Variants in CAMTA1 observed in about 807,000 individuals in gnomAD.
CAMTA1 encodes the protein calmodulin binding transcription activator 1, also known as calmodulin-binding transcription activator 1.
CAMTA1 carries 27 observed loss-of-function variants against 170.9 expected under a neutral mutation model. The ratio of observed to expected loss-of-function variants is 0.16; its 90% CI spans 0.12 to 0.22. CAMTA1 has a LOEUF of 0.22. Ranked by LOEUF, CAMTA1 falls within the 10% of genes least tolerant of loss-of-function variation. The probability of loss-of-function intolerance (pLI) is 1.00; values close to 1 mark genes in which losing one functional copy is unlikely to be tolerated. For missense variants in CAMTA1, 1,619 were observed against 2,217.2 expected (o/e 0.73, Z 5.42); for synonymous variants, 833 against 891.5 (o/e 0.93, Z 1.17).
intron 5 of CAMTA1, among the ~76,000 whole-genome samples, chr1:7,432,759 G>C (rs1434148320): frequency 1.3e-5 from 2 of 152,228 alleles, no homozygotes; most frequent in Admixed American, 1.3e-4. Context: ...CGTCCCCCTT[G>C]TGGCCCTGCA....
At chr1:7,399,481 G>T (rs1046161143) in intron 5 of CAMTA1, among the ~76,000 whole-genome samples, 1 of 152,108 alleles carries the variant, frequency 6.6e-6, no homozygotes, top group African/African-American at 2.4e-5. Flanking sequence ...ATGGACTAAG[G>T]CACCTTCATA....
At chr1:6,912,520 T>A (rs970358329) in intron 3 of CAMTA1, among the ~76,000 whole-genome samples, 1 of 152,248 alleles carries the variant, frequency 6.6e-6, no homozygotes, top group African/African-American at 2.4e-5. Context: ...TTAACATTTC[T>A]TGGTACTTTT....
intron 5 of CAMTA1, among the ~76,000 whole-genome samples, chr1:7,438,273 G>T (rs988405891): frequency 6.6e-6 from 1 of 152,186 alleles, no homozygotes; most frequent in African/African-American, 2.4e-5. Flanking sequence ...TGTCCGAGCG[G>T]CAGGTTTGCG....
chr1:7,103,942 A>AT (rs1643214631), intron 4 of CAMTA1, among the ~76,000 whole-genome samples: 1 of 150,126 alleles, frequency 6.7e-6, no homozygotes, highest in African/African-American at 2.5e-5. Flanking sequence ...ACACACATAC[A>AT]GCACACACGT....
chr1:7,380,405 T>C (rs1376075744), intron 5 of CAMTA1, among the ~76,000 whole-genome samples: 1 of 152,016 alleles, frequency 6.6e-6, no homozygotes, highest in Non-Finnish European at 1.5e-5. Flanking sequence ...AGAAACCCCG[T>C]CTCTACTAAA....
At chr1:7,368,953 C>T (rs1381313775) in intron 5 of CAMTA1, 1 of 152,286 alleles carries the variant, frequency 6.6e-6, no homozygotes, top group Non-Finnish European at 1.5e-5. Context: ...CACAGTGTAC[C>T]TCCACCTTCC....
At position 6,871,682 on chromosome 1, in the gene CAMTA1, G is replaced by A; in HGVS notation, c.234+46472G>A. The A allele has an allele frequency of 3.8e-6, 5 of 1,301,422 alleles. No individual in the cohort carries two copies. In the Middle Eastern group the frequency reaches 7.3e-4, roughly 190 times the overall value. 80.6% of individuals were successfully genotyped at this position (1,301,422 alleles called of 1,614,324 possible). On this transcript the variant is annotated intron_variant, in intron 3 of 22. Transcript: ENST00000303635. ...AGGAATGATGGGGTTCAGTTACAGTGGAATCTTTTCAAGAGCTTGATTTTA... is the reference window on the plus strand; with the variant it reads ...AGGAATGATGGGGTTCAGTTACAGTAGAATCTTTTCAAGAGCTTGATTTTA...
At chr1:7,571,540 A>G (rs2095126179) in intron 6 of CAMTA1, among the ~76,000 whole-genome samples, 1 of 151,952 alleles carries the variant, frequency 6.6e-6, no homozygotes, top group African/African-American at 2.4e-5. Context: ...CTTTGTGCCC[A>G]TGTGTTCTTG....
At chr1:7,246,947 G>C (rs1665909159) in intron 4 of CAMTA1, among the ~76,000 whole-genome samples, 1 of 152,056 alleles carries the variant, frequency 6.6e-6, no homozygotes, top group Admixed American at 6.6e-5. Flanking sequence ...GGTCTGACTT[G>C]CTTTTGATTC....
At chr1:7,676,086 C>T (rs972093123) in intron 10 of CAMTA1, among the ~76,000 whole-genome samples, 2 of 152,240 alleles carry the variant, frequency 1.3e-5, no homozygotes, top group Non-Finnish European at 2.9e-5. Flanking sequence ...CTAAGAGGAG[C>T]AGCCCTGAGC....
intron 1 of CAMTA1, among the ~76,000 whole-genome samples, chr1:6,793,319 C>T (rs779141): frequency 1 from 151,958 of 152,080 alleles, 75,918 homozygotes; most frequent in Middle Eastern, 1. Context: ...CCATTTTTTT[C>T]CCCTTATCAG....
chr1:6,949,489 A>G (rs1429799146), intron 3 of CAMTA1, among the ~76,000 whole-genome samples: 2 of 152,188 alleles, frequency 1.3e-5, no homozygotes, highest in Non-Finnish European at 1.5e-5. Context: ...CCAAGAGCCA[A>G]TATTTTCCTC....
At chr1:7,750,098 G>T (rs1335170998) in intron 19 of CAMTA1, among the ~76,000 whole-genome samples, 1 of 152,200 alleles carries the variant, frequency 6.6e-6, no homozygotes, top group Non-Finnish European at 1.5e-5. Flanking sequence ...GTGGCCCGAT[G>T]GGTCTGAGTG....
chr1:6,901,061 C>T (rs1039843958), intron 3 of CAMTA1, among the ~76,000 whole-genome samples: 2 of 151,616 alleles, frequency 1.3e-5, no homozygotes, highest in Non-Finnish European at 2.9e-5. Context: ...ATCAATGGAA[C>T]CAAATAGGGA....
Position 7,642,710 on chromosome 1 carries a change from A to T in CAMTA1, c.664+2157A>T, listed in dbSNP as rs1255754532. Among the ~76,000 whole-genome samples the T allele has an allele frequency of 6.6e-6, 1 of 152,100 alleles. No individual in the cohort carries two copies. The highest frequency in any genetic ancestry group is 1.5e-5 in the Non-Finnish European group (1 of 68,004). ...CTGGCAAGTCAGGAGGCAGGTGCTCATCCTGGCTTCATGGCTGCCCCTCTA... is the reference window on the plus strand; with the variant it reads ...CTGGCAAGTCAGGAGGCAGGTGCTCTTCCTGGCTTCATGGCTGCCCCTCTA... On this transcript the variant is annotated intron_variant, in intron 7 of 22. Transcript: ENST00000303635. The surrounding 1 kb of genome is among the most constrained non-coding windows in gnomAD (Gnocchi z 6.3).
chr1:6,917,931 C>T (rs908025481), intron 3 of CAMTA1, among the ~76,000 whole-genome samples: 6 of 151,896 alleles, frequency 4.0e-5, no homozygotes, highest in African/African-American at 7.3e-5. Context: ...TGGGTCACAG[C>T]GAAGACGTTC....
chr1:7,670,520 C>T (rs1003112463), intron 9 of CAMTA1, among the ~76,000 whole-genome samples: 1 of 152,198 alleles, frequency 6.6e-6, no homozygotes, highest in African/African-American at 2.4e-5. Flanking sequence ...AAGTGAATGA[C>T]GGAGCAAGTC....
At chr1:7,695,764 C>T (rs760386756) in intron 11 of CAMTA1, among the ~76,000 whole-genome samples, 7 of 152,272 alleles carry the variant, frequency 4.6e-5, no homozygotes, top group East Asian at 1.9e-4. Context: ...GTCATGTGTG[C>T]GCTTTTCCCT....
rs758609807 is a variant in CAMTA1, at chr1:7,641,951, C to T, written c.664+1398C>T. ...TCCTGAGCACAGCCTGCAGCCCCCC[C>T]ACCCGCAGCCCCCGGCCTCTGCAGG... On this transcript the variant is annotated intron_variant, in intron 7 of 22. Transcript: ENST00000303635. This position sits in a 1 kb window ranked among gnomAD's most constrained non-coding sequence, Gnocchi z 4.5. Among the ~76,000 whole-genome samples the T allele has an allele frequency of 1.3e-5, 2 of 152,106 alleles. No individual in the cohort carries two copies. Among genetic ancestry groups the T allele is most frequent in the African/African-American group, 4.8e-5 (2 of 41,386 alleles).
Sources: gnomAD v4.1 joint callset for allele counts (sites outside exome capture counted in the v4.1 genomes callset) on GRCh38, gnomAD v4.1.1 for gene constraint, Gnocchi (gnomAD v3.1) non-coding constraint, MANE v1.5 for transcripts, NCBI Gene and HGNC (gene_info 2026-07-23, HGNC 2026-07-21) for gene names.